ANKFN1: variants seen among roughly 807,000 people sequenced by gnomAD.
The protein encoded by ANKFN1 is ankyrin repeat and fibronectin type III domain containing 1.
A neutral mutation model predicts 108.7 loss-of-function variants in ANKFN1; 74 were observed. The ratio of observed to expected loss-of-function variants is 0.68; its 90% CI spans 0.56 to 0.83. The LOEUF (loss-of-function observed/expected upper bound fraction) is 0.83, where lower values mean the gene tolerates loss of function less well. Ranked by LOEUF, ANKFN1 falls within the 40% of genes least tolerant of loss-of-function variation. ANKFN1 has a pLI of 0.00. For missense variants in ANKFN1, 1,505 were observed against 1,382.3 expected (o/e 1.09, Z -1.41); for synonymous variants, 547 against 516.2 (o/e 1.06, Z -0.81).
chr17:56,063,606 T>C (rs1905013444), intron 4 of ANKFN1, among the ~76,000 whole-genome samples: 1 of 151,968 alleles, frequency 6.6e-6, no homozygotes, highest in African/African-American at 2.4e-5. Flanking sequence ...TCAGGTCATT[T>C]ATGTTCCTCT....
chr17:56,267,933 T>A (rs2043696100), intron 3 of ANKFN1, among the ~76,000 whole-genome samples: 1 of 152,136 alleles, frequency 6.6e-6, no homozygotes, highest in African/African-American at 2.4e-5. Context: ...CTGTGAAAAA[T>A]ATTGGCATTT....
chr17:56,072,149 T>C (rs990285886), intron 4 of ANKFN1, among the ~76,000 whole-genome samples: 2 of 152,236 alleles, frequency 1.3e-5, no homozygotes, highest in African/African-American at 2.4e-5. Flanking sequence ...AAATGTTAAC[T>C]CTCTCTGTAT....
intron 19 of ANKFN1, among the ~76,000 whole-genome samples, chr17:56,496,564 C>T (rs112273323): frequency 2.6e-5 from 4 of 152,038 alleles, no homozygotes; most frequent in African/African-American, 9.7e-5. Flanking sequence ...CTGGCCACAT[C>T]ATTTCACTCT....
chr17:56,368,040 G>C, intron 6 of ANKFN1: 1 of 415,894 alleles, frequency 2.4e-6, no homozygotes. Context: ...TTAAAATAAG[G>C]AAGTTGAAAA....
chr17:56,388,413 TG>T (rs66901310), intron 8 of ANKFN1, among the ~76,000 whole-genome samples: 3,186 of 152,298 alleles, frequency 0.021, 112 homozygotes, highest in African/African-American at 0.071. Context: ...ATTACAGGCA[TG>T]AGTCACTGCA....
intron 6 of ANKFN1, among the ~76,000 whole-genome samples, chr17:56,360,343 CCTT>C (rs1422175254): frequency 6.6e-6 from 1 of 152,162 alleles, no homozygotes. Context: ...ATGGCCAAAT[CCTT>C]CTTAACATTC....
chr17:56,143,004 C>A (rs936604948), intron 4 of ANKFN1, among the ~76,000 whole-genome samples: 1 of 152,096 alleles, frequency 6.6e-6, no homozygotes, highest in Non-Finnish European at 1.5e-5. Context: ...GACAGATGAC[C>A]CTCACCAATG....
intron 4 of ANKFN1, among the ~76,000 whole-genome samples, chr17:56,108,838 C>A (rs1381663869): frequency 1.3e-5 from 2 of 152,172 alleles, no homozygotes; most frequent in South Asian, 2.1e-4. Context: ...ATAAGCTGAA[C>A]CTGTTTCTCG....
At chr17:56,171,607 G>A (rs532191150) in intron 1 of ANKFN1, among the ~76,000 whole-genome samples, 274 of 152,304 alleles carry the variant, frequency 1.8e-3, no homozygotes, top group Non-Finnish European at 3.1e-3. Flanking sequence ...AAAGGCTGGG[G>A]ACTGGCATTT....
chr17:56,151,730 G>A (rs376606663), upstream of ANKFN1, among the ~76,000 whole-genome samples: 51 of 152,124 alleles, frequency 3.4e-4, 1 homozygote, highest in Non-Finnish European at 3.8e-4. Flanking sequence ...TTAAATAAAA[G>A]CATTACTTCC....
intron 2 of ANKFN1, among the ~76,000 whole-genome samples, chr17:56,213,094 G>A (rs1915145119): frequency 6.6e-6 from 1 of 152,158 alleles, no homozygotes; most frequent in African/African-American, 2.4e-5. Context: ...TGGTATCAAA[G>A]TATCAACTTT....
chr17:56,293,307 C>G (rs540221585), intron 3 of ANKFN1, among the ~76,000 whole-genome samples: 116 of 152,302 alleles, frequency 7.6e-4, no homozygotes, highest in African/African-American at 2.7e-3. Context: ...CTAATCTTCT[C>G]CCCATCTTGT....
chr17:56,489,619 C>G lies in ANKFN1; in HGVS notation c.2261-2568C>G, dbSNP rs1284582933. Among the ~76,000 whole-genome samples, 7 of 152,198 alleles carry G rather than the reference C, an allele frequency of 4.6e-5. No homozygotes were observed. The East Asian group carries it at 7.7e-4, about 17-fold the overall frequency. The stretch of plus-strand genomic sequence containing the variant: ...ACAACAAGAGAAAGCTGTGAACACC[C>G]CGGCTTGTAAGAATTCAGATCAGAC... On this transcript the variant is annotated intron_variant, in intron 18 of 20. Coordinates refer to ENST00000682825, the MANE Select transcript of ANKFN1 (RefSeq NM_001370326.1).
intron 1 of ANKFN1, among the ~76,000 whole-genome samples, chr17:56,179,056 T>G (rs1911434945): frequency 6.6e-6 from 1 of 152,236 alleles, no homozygotes; most frequent in Non-Finnish European, 1.5e-5. Flanking sequence ...ATTTTTCTTG[T>G]GTATTAATGT....
intron 3 of ANKFN1, among the ~76,000 whole-genome samples, chr17:56,273,590 G>T (rs966787358): frequency 2.0e-5 from 3 of 152,006 alleles, no homozygotes; most frequent in Non-Finnish European, 4.4e-5. Context: ...TGTAATTAGT[G>T]CATTTTTAAA....
At chr17:56,218,533 A>G (rs2143848690) in intron 2 of ANKFN1, among the ~76,000 whole-genome samples, 1 of 151,866 alleles carries the variant, frequency 6.6e-6, no homozygotes, top group South Asian at 2.1e-4. Context: ...ACTTCAGCAC[A>G]TGCCCTGTCT....
intron 4 of ANKFN1, among the ~76,000 whole-genome samples, chr17:56,141,307 A>G (rs1014348423): frequency 2.6e-5 from 4 of 152,214 alleles, no homozygotes; most frequent in Non-Finnish European, 2.9e-5. Flanking sequence ...TGATTTTCCA[A>G]GCCTCTAATA....
intron 8 of ANKFN1, among the ~76,000 whole-genome samples, chr17:56,407,658 AACTC>A (rs2047960349): frequency 3.9e-5 from 6 of 152,294 alleles, no homozygotes; most frequent in African/African-American, 9.6e-5. Flanking sequence ...CCCATCTCAG[AACTC>A]CCAAAGTACC....
At position 56,326,357 on chromosome 17, in the gene ANKFN1, T is replaced by C. The variant is rs751305364; in HGVS notation, c.188+2T>C. On this transcript the variant is annotated splice_donor_variant, in intron 4 of 20. Transcript: ENST00000682825. LOFTEE classifies it high-confidence loss of function. The stretch of plus-strand genomic sequence containing the variant: ...TGCTGCCTCGAACAGCATAAACTGG[T>C]AAGTCAAATTTACTGTTGTCTTTCT... The C allele has an allele frequency of 6.2e-7, 1 of 1,605,520 alleles. No individual in the cohort carries two copies.
Sources: allele counts gnomAD v4.1 joint callset (sites outside exome capture counted in the v4.1 genomes callset), GRCh38; gene constraint gnomAD v4.1.1; transcripts MANE v1.5; gene names NCBI Gene and HGNC (gene_info 2026-07-23, HGNC 2026-07-21).